The following CEP72 variants were observed in gnomAD, a reference collection of about 807,000 sequenced individuals.
CEP72 encodes centrosomal protein of 72 kDa.
In CEP72, 78 loss-of-function variants were observed where a neutral mutation model predicts 65.7. That is an observed-to-expected ratio of 1.19 (90% CI 0.99 to 1.43). CEP72 has a LOEUF of 1.43. CEP72 is among the 40% of genes most tolerant of loss of function. The pLI, the probability that CEP72 is intolerant of heterozygous loss-of-function variation, is 0.00. For missense variants in CEP72, 914 were observed against 832.9 expected, an observed-to-expected ratio of 1.10 and a Z score of -1.20; for synonymous variants, 358 against 351.7, an observed-to-expected ratio of 1.02 and a Z score of -0.20.
At chr5:626,787 C>G (rs1186142065) in intron 4 of CEP72, among the ~76,000 whole-genome samples, 1 of 152,182 alleles carries the variant, frequency 6.6e-6, no homozygotes, top group Non-Finnish European at 1.5e-5. Context: ...CACCACTGCA[C>G]TCTAACCTGG....
chr5:636,559 C>G (rs1194934889), intron 6 of CEP72, among the ~76,000 whole-genome samples: 1 of 152,130 alleles, frequency 6.6e-6, no homozygotes, highest in Non-Finnish European at 1.5e-5. Flanking sequence ...GCCTATAATC[C>G]CAATATTTTG....
downstream of CEP72, among the ~76,000 whole-genome samples, chr5:668,234 TG>T (rs1193517943): frequency 1.3e-5 from 1 of 77,604 alleles, no homozygotes; most frequent in Non-Finnish European, 2.5e-5. Context: ...GGGGGCCGTG[TG>T]GGCGCCGTCA....
chr5:666,079 G>C lies in CEP72; in HGVS notation n.572G>C, dbSNP rs749246726. The stretch of plus-strand genomic sequence containing the variant: ...TCGCTTCTTGGCGAGCTCCTCCAGC[G>C]CCTCCTGGAACTGCTCAAAGGTGAT... On this transcript the variant is annotated non_coding_transcript_exon_variant, in exon 4 of 5. Transcript: ENST00000514507. The C allele has an allele frequency of 3.7e-6, 6 of 1,612,124 alleles. No individual in the cohort carries two copies. In the East Asian group the frequency reaches 1.1e-4, roughly 30 times the overall value.
At chr5:616,608 C>T (rs911219376) in intron 1 of CEP72, among the ~76,000 whole-genome samples, 7 of 152,162 alleles carry the variant, frequency 4.6e-5, no homozygotes, top group Non-Finnish European at 8.8e-5. Flanking sequence ...ACTCCTCACT[C>T]GAGCCTGCTG....
chr5:651,308 G>GCGTGGACTGTGAGA lies in CEP72; in HGVS notation c.1779-1680_1779-1679insCGTGGACTGTGAGA, dbSNP rs1175603993. The stretch of plus-strand genomic sequence containing the variant: ...TGTGACTGTGAGGTGTGACTGTGAG[G>GCGTGGACTGTGAGA]TGTGACTGTGAGGCGTGGACTGTGA... On this transcript the variant is annotated intron_variant, in intron 11 of 11. Transcript: ENST00000264935. Among the ~76,000 whole-genome samples, 624 of 81,886 alleles carry GCGTGGACTGTGAGA rather than the reference G, an allele frequency of 7.6e-3. 31 individuals are homozygous for GCGTGGACTGTGAGA. The highest frequency in any genetic ancestry group is 0.02 in the East Asian group (29 of 1,462). The allele number at this position is 81,886 out of a possible 152,430, so 53.7% of individuals were successfully genotyped here.
intron 1 of CEP72, among the ~76,000 whole-genome samples, chr5:616,802 GTGTGTGTGTGTGTA>G (rs751572949): frequency 4.0e-4 from 54 of 134,274 alleles, no homozygotes; most frequent in African/African-American, 1.2e-3. Context: ...AGGGGTGTGT[GTGTGTGTGTGTGTA>G]TGTGTGTGTG....
downstream of CEP72, chr5:655,432 A>G (rs1739349904): frequency 6.6e-6 from 1 of 152,204 alleles, no homozygotes; most frequent in African/African-American, 2.4e-5. The surrounding 1 kb of genome is among the most constrained non-coding windows in gnomAD (Gnocchi z 5.0). Flanking sequence ...GTTTCCATTA[A>G]CTGCTTAACC....
At position 637,642 on chromosome 5, in the gene CEP72, A is replaced by G; in HGVS notation, c.1030A>G (p.Thr344Ala). The G allele has an allele frequency of 6.2e-7, 1 of 1,613,964 alleles. No individual in the cohort carries two copies. Among genetic ancestry groups the G allele is most frequent in the Middle Eastern group, 1.6e-4 (1 of 6,062 alleles). Residue 344 changes from threonine (T) to alanine (A), a missense_variant, in exon 7 of 12, where the codon ACG (threonine) becomes GCG (alanine). Transcript: ENST00000264935. ...KRRMPVGRFQ[T>A]FSDQEGLGCP... ...AAGAATGCCTGTTGGAAGATTCCAG[A>G]CGTTTTCGGACCAGGAGGGTTTGGG...
At chr5:674,661 C>T in the CEP72 span, among the ~76,000 whole-genome samples, 1 of 151,870 alleles carries the variant, frequency 6.6e-6, no homozygotes, top group Non-Finnish European at 1.5e-5. Context: ...GACCTGCCAG[C>T]AGCTGGCTGG....
chr5:645,389 A>G lies in CEP72; in HGVS notation c.1666+964A>G, dbSNP rs1580007821. ...CTTTTCTATCTTCTGTTTCTTTAAG[A>G]TACTGTTATATTTACAACGGGTCCT... On this transcript the variant is annotated intron_variant, in intron 10 of 11. Coordinates refer to ENST00000264935, the MANE Select transcript of CEP72 (RefSeq NM_018140.4). This position sits in a 1 kb window ranked among gnomAD's most constrained non-coding sequence, Gnocchi z 4.0. Among the ~76,000 whole-genome samples the G allele has an allele frequency of 6.7e-6, 1 of 150,300 alleles. No individual in the cohort carries two copies. The highest frequency in any genetic ancestry group is 2.0e-4 in the East Asian group (1 of 5,114).
intron 3 of CEP72, among the ~76,000 whole-genome samples, chr5:620,813 C>T (rs967151016): frequency 6.6e-6 from 1 of 152,224 alleles, no homozygotes; most frequent in African/African-American, 2.4e-5. Context: ...TCCAGGGCCC[C>T]CACAGCGATG....
rs1026897956 is a variant in CEP72, at chr5:634,064, G to T, written c.691+117G>T. 4 of 852,018 alleles carry T rather than the reference G, an allele frequency of 4.7e-6. No individual in the cohort carries two copies. In the African/African-American group the frequency reaches 5.1e-5, roughly 11 times the overall value. The allele number at this position is 852,018 out of a possible 1,614,324, so 52.8% of individuals were successfully genotyped here. On this transcript the variant is annotated intron_variant, in intron 5 of 11. Transcript: ENST00000264935. ...TTGTGGAACTTACCTTGAAGGATAGGATCTTCATGATGTGTCTTTGTGTGC... is the reference window on the plus strand; with the variant it reads ...TTGTGGAACTTACCTTGAAGGATAGTATCTTCATGATGTGTCTTTGTGTGC...
At chr5:621,092 AT>A (rs1327821189) in intron 3 of CEP72, among the ~76,000 whole-genome samples, 1 of 152,230 alleles carries the variant, frequency 6.6e-6, no homozygotes, top group African/African-American at 2.4e-5. Flanking sequence ...CTGTGTTGAC[AT>A]GTCGTGGTGG....
chr5:644,076 ATCCC>A (rs1208397923), intron 9 of CEP72: 1 of 521,238 alleles, frequency 1.9e-6, no homozygotes, highest in African/African-American at 1.9e-5. Flanking sequence ...GCTCCTTTCC[ATCCC>A]TCTCCTCACT....
At chr5:634,792 C>T (rs1018330195) in intron 5 of CEP72, among the ~76,000 whole-genome samples, 2 of 152,200 alleles carry the variant, frequency 1.3e-5, no homozygotes, top group African/African-American at 4.8e-5. Context: ...TGCCCATTTC[C>T]TCCCTTCTGT....
chr5:674,338 G>C, the CEP72 span, among the ~76,000 whole-genome samples: 1 of 149,556 alleles, frequency 6.7e-6, no homozygotes, highest in East Asian at 1.9e-4. Context: ...CTGAGGGGGA[G>C]GAGGAGCACT....
chr5:618,641 A>G (rs1282732929), intron 1 of CEP72, among the ~76,000 whole-genome samples: 5 of 152,126 alleles, frequency 3.3e-5, no homozygotes. Context: ...GGGTGGGGGC[A>G]GTGGATGGAA....
chr5:641,579 C>G (rs1697982), intron 9 of CEP72: 230,199 of 984,790 alleles, frequency 0.23, 27,510 homozygotes, highest in East Asian at 0.43. Context: ...CGTGGCCCCC[C>G]CACCCCGCCT....
intron 7 of CEP72, among the ~76,000 whole-genome samples, chr5:638,786 A>G (rs1737798220): frequency 1.3e-5 from 2 of 152,028 alleles, no homozygotes; most frequent in Admixed American, 1.3e-4. Flanking sequence ...TGCGGCCTGG[A>G]TGTGTCTTCC....
Sources: allele counts gnomAD v4.1 joint callset (sites outside exome capture counted in the v4.1 genomes callset), GRCh38; gene constraint gnomAD v4.1.1; non-coding constraint Gnocchi (gnomAD v3.1); transcripts MANE v1.5; gene names NCBI Gene and HGNC (gene_info 2026-07-23, HGNC 2026-07-21).